CNTNAP2: variants seen among roughly 807,000 people sequenced by gnomAD.
CNTNAP2 encodes contactin-associated protein-like 2.
CNTNAP2 carries 98 observed loss-of-function variants against 155.2 expected under a neutral mutation model. The ratio of observed to expected loss-of-function variants is 0.63; its 90% confidence interval spans 0.54 to 0.75. The LOEUF is 0.75. CNTNAP2 is among the 30% of genes least tolerant of loss of function. CNTNAP2 has a pLI of 0.00. For missense variants in CNTNAP2, 1,727 were observed against 1,688.1 expected, an observed-to-expected ratio of 1.02 and a Z score of -0.40; for synonymous variants, 651 against 631.2, an observed-to-expected ratio of 1.03 and a Z score of -0.47.
chr7:146,670,668 C>T (rs1429752518), intron 1 of CNTNAP2, among the ~76,000 whole-genome samples: 1 of 152,138 alleles, frequency 6.6e-6, no homozygotes, highest in Non-Finnish European at 1.5e-5. Context: ...GGATATTCCA[C>T]ATGTCTATGT....
chr7:147,842,041 C>A (rs1188733333), intron 13 of CNTNAP2, among the ~76,000 whole-genome samples: 2 of 152,108 alleles, frequency 1.3e-5, no homozygotes, highest in Admixed American at 6.6e-5. Context: ...TGTTTATTAT[C>A]ATTAAAAATA....
chr7:147,594,077 A>G (rs1800784725), intron 12 of CNTNAP2, among the ~76,000 whole-genome samples: 1 of 151,062 alleles, frequency 6.6e-6, no homozygotes, highest in Non-Finnish European at 1.5e-5. Context: ...CACTTCTGCA[A>G]TTCCAACATT....
intron 11 of CNTNAP2, among the ~76,000 whole-genome samples, chr7:147,517,067 A>G (rs1799141988): frequency 6.6e-6 from 1 of 151,152 alleles, no homozygotes; most frequent in South Asian, 2.1e-4. Flanking sequence ...ACCAGGTTTC[A>G]CCATGTTGGG....
chr7:146,541,095 T>C (rs1268308965), intron 1 of CNTNAP2, among the ~76,000 whole-genome samples: 1 of 152,004 alleles, frequency 6.6e-6, no homozygotes, highest in African/African-American at 2.4e-5. Context: ...GAAACAGAAA[T>C]AGTCTGTCAC....
chr7:146,344,635 T>A (rs7794124), intron 1 of CNTNAP2, among the ~76,000 whole-genome samples: 12,603 of 152,076 alleles, frequency 0.083, 1,129 homozygotes, highest in African/African-American at 0.22. Flanking sequence ...TGGGCCACCA[T>A]GCCCTGCTAA....
At chr7:146,751,073 GT>G (rs1801894991) in intron 1 of CNTNAP2, among the ~76,000 whole-genome samples, 1 of 152,106 alleles carries the variant, frequency 6.6e-6, no homozygotes, top group African/African-American at 2.4e-5. Context: ...ATAAAATGGT[GT>G]TTGGGTTATA....
chr7:146,959,459 T>C (rs113546844), intron 3 of CNTNAP2, among the ~76,000 whole-genome samples: 13,817 of 151,850 alleles, frequency 0.091, 1,094 homozygotes, highest in African/African-American at 0.22. Context: ...GTGGCTCACA[T>C]CTGTAATCCC....
At chr7:147,837,042 G>T (rs778277401) in intron 13 of CNTNAP2, among the ~76,000 whole-genome samples, 6 of 152,158 alleles carry the variant, frequency 3.9e-5, no homozygotes, top group Non-Finnish European at 8.8e-5. Context: ...CCGAGTTCAT[G>T]GATAGGTGAA....
At chr7:148,028,712 C>G (rs1322557055) in intron 15 of CNTNAP2, among the ~76,000 whole-genome samples, 1 of 152,160 alleles carries the variant, frequency 6.6e-6, no homozygotes, top group African/African-American at 2.4e-5. Context: ...CAGGCTTAGC[C>G]TTCACTTCAC....
chr7:147,225,054 G>T (rs2116603214), intron 8 of CNTNAP2, among the ~76,000 whole-genome samples: 1 of 152,220 alleles, frequency 6.6e-6, no homozygotes, highest in Non-Finnish European at 1.5e-5. Flanking sequence ...TTAGTGACTT[G>T]AATTAAATTA....
intron 15 of CNTNAP2, chr7:148,013,275 T>C (rs1477332712): frequency 3.3e-5 from 5 of 152,196 alleles, no homozygotes; most frequent in African/African-American, 1.2e-4. Flanking sequence ...AACTAAAATA[T>C]CACTAAACCT....
intron 1 of CNTNAP2, among the ~76,000 whole-genome samples, chr7:146,472,533 A>T (rs943932236): frequency 1.1e-4 from 17 of 152,192 alleles, no homozygotes; most frequent in African/African-American, 4.1e-4. Flanking sequence ...TCATTAATCT[A>T]AAAATGTATT....
intron 3 of CNTNAP2, among the ~76,000 whole-genome samples, chr7:146,840,756 T>A (rs1433776090): frequency 2.0e-5 from 3 of 152,214 alleles, no homozygotes; most frequent in Admixed American, 2.0e-4. Flanking sequence ...AGACTTTGTA[T>A]TTTAAAAGTC....
At chr7:146,979,532 C>A (rs1584763123) in intron 3 of CNTNAP2, among the ~76,000 whole-genome samples, 1 of 152,158 alleles carries the variant, frequency 6.6e-6, no homozygotes, top group Non-Finnish European at 1.5e-5. Context: ...GTTTCACAGC[C>A]TTTGTGTCTG....
chr7:147,604,711 T>A (rs140015392), intron 12 of CNTNAP2, among the ~76,000 whole-genome samples: 2 of 152,242 alleles, frequency 1.3e-5, no homozygotes, highest in Non-Finnish European at 2.9e-5. Context: ...AACCAACCAA[T>A]CCAGCAACTC....
In CNTNAP2 at chr7:146,452,874, G is replaced by T. The variant is rs186805603; in HGVS notation, c.98-321397G>T. ...CTTAGAGAAAAGAGAATATGAAATA[G>T]TGATTTTGCAAGACTCTGAACATGA... On this transcript the variant is annotated intron_variant, in intron 1 of 23. Transcript: ENST00000361727. Among the ~76,000 whole-genome samples, 3 of 152,306 alleles carry T rather than the reference G, an allele frequency of 2.0e-5. No individual in the cohort carries two copies. The East Asian group carries it at 5.8e-4, about 29-fold the overall frequency.
At chr7:146,911,355 A>C (rs962337621) in intron 3 of CNTNAP2, among the ~76,000 whole-genome samples, 1 of 152,092 alleles carries the variant, frequency 6.6e-6, no homozygotes, top group African/African-American at 2.4e-5. Context: ...ACACATGCAC[A>C]CGTATGTTTA....
At chr7:146,776,248 C>T (rs1202471740) in intron 2 of CNTNAP2, among the ~76,000 whole-genome samples, 1 of 152,080 alleles carries the variant, frequency 6.6e-6, no homozygotes, top group Non-Finnish European at 1.5e-5. Flanking sequence ...TGCCATAATG[C>T]CGAGAGACAT....
chr7:148,328,951 A>C (rs957395014), intron 21 of CNTNAP2, among the ~76,000 whole-genome samples: 6 of 138,532 alleles, frequency 4.3e-5, no homozygotes, highest in Non-Finnish European at 7.7e-5. Context: ...ACTCCAGCCT[A>C]AGCGACAGAG....
Sources: gnomAD v4.1 joint callset for allele counts (sites outside exome capture counted in the v4.1 genomes callset) on GRCh38, gnomAD v4.1.1 for gene constraint, MANE v1.5 for transcripts, NCBI Gene and HGNC (gene_info 2026-07-23, HGNC 2026-07-21) for gene names.